Variants in SYNGR3 observed in about 807,000 individuals in gnomAD.
SYNGR3 encodes synaptogyrin 3, also known as synaptogyrin-3.
In SYNGR3, 10 loss-of-function variants were observed where a neutral mutation model predicts 18.5. The ratio of observed to expected loss-of-function variants is 0.54; its 90% CI spans 0.33 to 0.92. The LOEUF is 0.92. Among genes scored for constraint, SYNGR3 ranks in the 40% least tolerant of loss-of-function variants. SYNGR3 has a pLI of 0.02. For missense variants in SYNGR3, 335 were observed against 332.8 expected (o/e 1.01, Z -0.05); for synonymous variants, 188 against 157.2 (o/e 1.20, Z -1.47).
At position 1,993,138 on chromosome 16, in the gene SYNGR3, A is replaced by T; in HGVS notation, c.*66A>T. The T allele has an allele frequency of 6.5e-7, 1 of 1,536,756 alleles. No homozygotes were observed. Among genetic ancestry groups the T allele is most frequent in the Admixed American group, 1.9e-5 (1 of 51,334 alleles). ...CAACGCAGGCCCCAGGGTCTCCGGG[A>T]CCTCCCTTGGGTCCTTCCAGCTCAG... On this transcript the variant is annotated 3_prime_UTR_variant, in exon 4 of 4. Coordinates refer to ENST00000248121, the MANE Select transcript of SYNGR3 (RefSeq NM_004209.6).
chr16:1,991,491 T>G (rs7190048), intron 1 of SYNGR3: 73,937 of 153,594 alleles, frequency 0.48, 18,799 homozygotes, highest in African/African-American at 0.64. Flanking sequence ...CCTTCGCCGT[T>G]CCGGCTCCAG....
chr16:1,990,630 T>C, intron 1 of SYNGR3: 1 of 358,256 alleles, frequency 2.8e-6, no homozygotes, highest in South Asian at 1.8e-5. Context: ...CACCCTCGGG[T>C]CTCCTTGGCA....
chr16:1,992,408 C>CT (rs1335613505), intron 2 of SYNGR3, 197 bp downstream of exon 2: 1 of 745,724 alleles, frequency 1.3e-6, no homozygotes, highest in Non-Finnish European at 1.9e-6. Context: ...CGCCGCGGGA[C>CT]TTTCTAGGTA....
At chr16:1,990,256 C>G (rs1597066339) in intron 1 of SYNGR3, 55 bp downstream of exon 1, 5 of 915,256 alleles carry the variant, frequency 5.5e-6, no homozygotes, top group South Asian at 3.7e-5. Context: ...GACCTTCAGG[C>G]CCCTACCAGC....
intron 2 of SYNGR3, 43 bp downstream of exon 2, chr16:1,992,254 G>A: frequency 1.1e-6 from 1 of 910,474 alleles, no homozygotes; most frequent in Non-Finnish European, 1.5e-6. Flanking sequence ...CCTTCCGGGT[G>A]GGCGGGGAGG....
intron 1 of SYNGR3, chr16:1,991,621 C>T: frequency 3.9e-6 from 1 of 257,218 alleles, no homozygotes; most frequent in South Asian, 5.5e-5. Flanking sequence ...CGGCTTTTGT[C>T]AGCCATGTGA....
chr16:1,992,326 G>A, intron 2 of SYNGR3, 115 bp downstream of exon 2: 1 of 837,902 alleles, frequency 1.2e-6, no homozygotes, highest in Admixed American at 4.2e-5. Flanking sequence ...GTGACGAGGG[G>A]CGGGGACTGA....
At position 1,992,820 on chromosome 16, in the gene SYNGR3, C is replaced by A. The variant is rs760840048; in HGVS notation, c.480+42C>A. 2.7e-6 allele frequency: 4 copies of A among 1,508,934 alleles called. No individual in the cohort carries two copies. The South Asian group carries it at 5.2e-5, about 20-fold the overall frequency. The allele number at this position is 1,508,934 out of a possible 1,614,324, so 93.5% of individuals were successfully genotyped here. A position where few individuals can be genotyped will look rare whatever the true frequency, so the allele number is the denominator to read the frequency against. On this transcript the variant is annotated intron_variant, in intron 3 of 3. Transcript: ENST00000248121. ...GGAGGGCGGGGCGAAGGGGCGGGCG[C>A]TCGGCTGATCCCGGCTGACCCCGCT...
Position 1,991,549 on chromosome 16 carries a change from A to T in SYNGR3, c.100-425A>T, listed in dbSNP as rs528561156. 7.2e-4 allele frequency: 115 copies of T among 159,582 alleles called. No individual in the cohort carries two copies. The Middle Eastern group carries it at 9.7e-3, about 14-fold the overall frequency. 9.9% of individuals were successfully genotyped at this position (159,582 alleles called of 1,614,324 possible). A position where few individuals can be genotyped will look rare whatever the true frequency, so the allele number is the denominator to read the frequency against. ...GAAGGCTCCTGTTCCCACACTCTTG[A>T]GTGGGCTCTGAGGGGACTCCACGGG... On this transcript the variant is annotated intron_variant, in intron 1 of 3. Transcript: ENST00000248121.
chr16:1,992,215 G>A lies in SYNGR3; in HGVS notation c.337+4G>A. 7.3e-7 allele frequency: 1 copy of A among 1,375,196 alleles called. No individual in the cohort carries two copies. The highest frequency in any genetic ancestry group is 3.1e-5 in the East Asian group (1 of 32,512). 85.2% of individuals were successfully genotyped at this position (1,375,196 alleles called of 1,614,324 possible). A position where few individuals can be genotyped will look rare whatever the true frequency, so the allele number is the denominator to read the frequency against. ...TTGCTGGACCTGGGCTTCTCAGGTG[G>A]GCGGGGCCGGGGCGGTGAGCGCGGA... On this transcript the variant is annotated splice_donor_region_variant and intron_variant, in intron 2 of 3. Transcript: ENST00000248121.
chr16:1,990,216 C>T lies in SYNGR3; in HGVS notation c.99+15C>T. 8.0e-7 allele frequency: 1 copy of T among 1,253,188 alleles called. No individual in the cohort carries two copies. Among genetic ancestry groups the T allele is most frequent in the Non-Finnish European group, 1.0e-6 (1 of 991,052 alleles). 77.6% of individuals were successfully genotyped at this position (1,253,188 alleles called of 1,614,324 possible). On this transcript the variant is annotated intron_variant, in intron 1 of 3. Transcript: ENST00000248121. The stretch of plus-strand genomic sequence containing the variant: ...TCGCGTCCTGGGTGAGTGGTCCCTG[C>T]CCGGGCCCCCGCTCCCGCCCCTGCC...
rs989644309 is a variant in SYNGR3, at chr16:1,993,552, C to T, written c.*480C>T. ...CTGTCTCGTTTCTGTCATGGTGGTG[C>T]GTCCCGTCCGGAGCCACTCTCCACT... On this transcript the variant is annotated 3_prime_UTR_variant, in exon 4 of 4. Coordinates refer to ENST00000248121, the MANE Select transcript of SYNGR3 (RefSeq NM_004209.6). 5 of 460,432 alleles carry T rather than the reference C, an allele frequency of 1.1e-5. No individual in the cohort carries two copies. The highest frequency in any genetic ancestry group is 2.0e-5 in the African/African-American group (1 of 50,238). The allele number at this position is 460,432 out of a possible 1,614,324, so 28.5% of individuals were successfully genotyped here.
chr16:1,990,246 G>A, intron 1 of SYNGR3, 45 bp downstream of exon 1: 1 of 1,082,858 alleles, frequency 9.2e-7, no homozygotes, highest in Non-Finnish European at 1.2e-6. Flanking sequence ...CCTGCCTCGC[G>A]ACCTTCAGGC....
chr16:1,992,720 A>AGGCGGGGGACGC lies in SYNGR3; in HGVS notation c.427_438dup (p.Gly143_Ala146dup), dbSNP rs751010647. The AGGCGGGGGACGC allele has an allele frequency of 6.9e-6, 11 of 1,594,586 alleles. No individual in the cohort carries two copies. In the African/African-American group the frequency reaches 8.2e-5, roughly 12 times the overall value. ...ACGGCGCCAGGGCCGGCCACGACGC[A>AGGCGGGGGACGC]GGCGGGGGACGCGGCGCGGGCCGCC... On this transcript the variant is annotated inframe_insertion, in exon 3 of 4. Transcript: ENST00000248121.
In SYNGR3 at chr16:1,993,206, C is replaced by A. The variant is rs1567338338; in HGVS notation, c.*134C>A. The A allele has an allele frequency of 1.7e-6, 2 of 1,163,444 alleles. No homozygotes were observed. The highest frequency in any genetic ancestry group is 2.4e-6 in the Non-Finnish European group (2 of 834,742). The allele number at this position is 1,163,444 out of a possible 1,614,324, so 72.1% of individuals were successfully genotyped here. On this transcript the variant is annotated 3_prime_UTR_variant, in exon 4 of 4. Transcript: ENST00000248121. ...GTGGCCGCTTTGCGCCATCCGGGGC[C>A]AAGAGGGGGTGGACCCGCGTGTCTG... is the stretch of plus-strand genomic sequence containing the variant.
chr16:1,989,991 T>G lies in SYNGR3; in HGVS notation c.-112T>G. 3.2e-6 allele frequency: 1 copy of G among 308,670 alleles called. No individual in the cohort carries two copies. Among genetic ancestry groups the G allele is most frequent in the Non-Finnish European group, 5.3e-6 (1 of 186,928 alleles). 19.1% of individuals were successfully genotyped at this position (308,670 alleles called of 1,614,324 possible). On this transcript the variant is annotated 5_prime_UTR_variant, in exon 1 of 4. Coordinates refer to ENST00000248121, the MANE Select transcript of SYNGR3 (RefSeq NM_004209.6). ...CCGGGAGGCGGCAGCGGCTGCAGCG[T>G]TGGTAGCATCAGCATCAGCATCAGC...
Position 1,992,766 on chromosome 16 carries a change from C to T in SYNGR3, c.468C>T (p.Ser156=). Residue 156 remains serine, a synonymous_variant, in exon 3 of 4, where the codon TCC becomes TCT. Coordinates refer to ENST00000248121, the MANE Select transcript of SYNGR3 (RefSeq NM_004209.6). ...CCGCCATCGCCTTCAGCTTCTTCTC[C>T]ATCCTCAGCTGGGTGAGTGCGGGGC... ...ARAAIAFSFF[S]ILSWVALTVK... The T allele has an allele frequency of 1.3e-6, 2 of 1,570,160 alleles. No individual in the cohort carries two copies. The highest frequency in any genetic ancestry group is 1.7e-4 in the Middle Eastern group (1 of 5,770).
Position 1,993,100 on chromosome 16 carries a change from A to G in SYNGR3, c.*28A>G. On this transcript the variant is annotated 3_prime_UTR_variant, in exon 4 of 4. Transcript: ENST00000248121. ...GCTGGCAGGCACAGACCAGGGCTCC[A>G]AGGCCACCCCACCAACGCAGGCCCC... The G allele has an allele frequency of 6.3e-7, 1 of 1,591,124 alleles. No homozygotes were observed. The highest frequency in any genetic ancestry group is 8.5e-7 in the Non-Finnish European group (1 of 1,170,484).
At position 1,993,774 on chromosome 16, in the gene SYNGR3, G is replaced by T. The variant is rs1327173848; in HGVS notation, c.*702G>T. ...ACACCAGCCCTGTCCTAGCCCTTCAGTAAGACCTTGCCAGGAGAGGAGAAG... is the reference window on the plus strand; with the variant it reads ...ACACCAGCCCTGTCCTAGCCCTTCATTAAGACCTTGCCAGGAGAGGAGAAG... On this transcript the variant is annotated 3_prime_UTR_variant, in exon 4 of 4. Transcript: ENST00000248121. The T allele has an allele frequency of 2.8e-6, 1 of 356,422 alleles. No homozygotes were observed. The highest frequency in any genetic ancestry group is 5.6e-6 in the Non-Finnish European group (1 of 178,822). The allele number at this position is 356,422 out of a possible 1,614,324, so 22.1% of individuals were successfully genotyped here. A position where few individuals can be genotyped will look rare whatever the true frequency, so the allele number is the denominator to read the frequency against.
Sources: allele counts gnomAD v4.1 joint callset, GRCh38; gene constraint gnomAD v4.1.1; transcripts MANE v1.5; gene names NCBI Gene and HGNC (gene_info 2026-07-23, HGNC 2026-07-21).